Variants in QTMAN observed in about 807,000 individuals in gnomAD.
QTMAN encodes the protein tRNA-queuosine alpha-mannosyltransferase.
At chr2:144,159,586 G>C in the QTMAN span, among the ~76,000 whole-genome samples, 1 of 152,086 alleles carries the variant, frequency 6.6e-6, no homozygotes, top group Non-Finnish European at 1.5e-5. Context: ...GAATAGCTGA[G>C]ATGAAGTAAA....
At chr2:144,285,493 T>C in the QTMAN span, among the ~76,000 whole-genome samples, 4 of 151,828 alleles carry the variant, frequency 2.6e-5, no homozygotes, top group Non-Finnish European at 5.9e-5. Context: ...CTCAGAGAGG[T>C]TAAGTAACTG....
At chr2:144,094,248 A>C in the QTMAN span, among the ~76,000 whole-genome samples, 8 of 152,244 alleles carry the variant, frequency 5.3e-5, no homozygotes, top group African/African-American at 1.9e-4. Flanking sequence ...ATCAATAATC[A>C]AACAATTAAA....
At chr2:143,995,916 C>G in the QTMAN span, among the ~76,000 whole-genome samples, 2 of 152,024 alleles carry the variant, frequency 1.3e-5, no homozygotes, top group Non-Finnish European at 2.9e-5. Flanking sequence ...AATCGAACTC[C>G]CCAAGTGTTC....
the QTMAN span, among the ~76,000 whole-genome samples, chr2:144,106,158 A>T: frequency 3.3e-5 from 5 of 152,208 alleles, no homozygotes; most frequent in African/African-American, 1.2e-4. Context: ...AACATGCCAA[A>T]TTGTAAAGAC....
chr2:144,150,590 T>A, the QTMAN span, among the ~76,000 whole-genome samples: 1 of 152,048 alleles, frequency 6.6e-6, no homozygotes, highest in African/African-American at 2.4e-5. Context: ...TTCCCTAACC[T>A]GACACCCATG....
At chr2:143,996,886 G>C in the QTMAN span, among the ~76,000 whole-genome samples, 3 of 152,032 alleles carry the variant, frequency 2.0e-5, no homozygotes, top group African/African-American at 7.2e-5. Flanking sequence ...CTAAGTCTCT[G>C]GGGTCAATCA....
chr2:143,977,691 A>G, the QTMAN span, among the ~76,000 whole-genome samples: 1 of 152,194 alleles, frequency 6.6e-6, no homozygotes, highest in East Asian at 1.9e-4. Flanking sequence ...AAAATGGAAG[A>G]CGGAGAATTT....
the QTMAN span, among the ~76,000 whole-genome samples, chr2:144,043,105 T>C: frequency 1.3e-5 from 2 of 152,082 alleles, no homozygotes; most frequent in Non-Finnish European, 2.9e-5. Context: ...CACCTTTTTT[T>C]CCCCGCAATG....
chr2:143,960,927 G>T, the QTMAN span, among the ~76,000 whole-genome samples: 1 of 152,076 alleles, frequency 6.6e-6, no homozygotes, highest in South Asian at 2.1e-4. Context: ...TTGCGGGTGG[G>T]AATTTTAAGT....
the QTMAN span, among the ~76,000 whole-genome samples, chr2:144,285,927 A>G: frequency 6.6e-6 from 1 of 152,198 alleles, no homozygotes; most frequent in African/African-American, 2.4e-5. Flanking sequence ...AGGTGGAGAC[A>G]ATTTTCCCTC....
chr2:144,327,492 T>C, the QTMAN span, among the ~76,000 whole-genome samples: 2 of 152,202 alleles, frequency 1.3e-5, no homozygotes, highest in East Asian at 3.8e-4. Flanking sequence ...GAGACATCCT[T>C]AAGTGTCTCC....
chr2:144,140,145 T>C, the QTMAN span, among the ~76,000 whole-genome samples: 1 of 152,084 alleles, frequency 6.6e-6, no homozygotes, highest in Non-Finnish European at 1.5e-5. Context: ...ATAATTCAAA[T>C]AACATTCTAG....
At chr2:144,241,936 C>T in the QTMAN span, among the ~76,000 whole-genome samples, 2 of 151,946 alleles carry the variant, frequency 1.3e-5, no homozygotes, top group South Asian at 2.1e-4. Context: ...AACATAGGGA[C>T]ACATATGATT....
the QTMAN span, among the ~76,000 whole-genome samples, chr2:144,098,664 G>A: frequency 9.3e-5 from 14 of 150,930 alleles, no homozygotes; most frequent in African/African-American, 2.4e-4. Flanking sequence ...GCAGTGAGCC[G>A]AGATCGCACC....
At chr2:143,985,726 G>A in the QTMAN span, among the ~76,000 whole-genome samples, 8 of 147,430 alleles carry the variant, frequency 5.4e-5, no homozygotes, top group East Asian at 1.6e-3. Context: ...TTTCTTTAGC[G>A]AAATGCTCAC....
At chr2:144,204,615 C>G in the QTMAN span, among the ~76,000 whole-genome samples, 2 of 152,142 alleles carry the variant, frequency 1.3e-5, no homozygotes, top group African/African-American at 4.8e-5. Flanking sequence ...ACTAGAAATA[C>G]CATTTGACCC....
chr2:143,986,807 T>A, the QTMAN span, among the ~76,000 whole-genome samples: 1 of 152,188 alleles, frequency 6.6e-6, no homozygotes, highest in Non-Finnish European at 1.5e-5. Flanking sequence ...TATGTGTGTA[T>A]CTCCTATTCT....
At chr2:144,272,156 G>A in the QTMAN span, among the ~76,000 whole-genome samples, 1 of 151,990 alleles carries the variant, frequency 6.6e-6, no homozygotes, top group Non-Finnish European at 1.5e-5. Flanking sequence ...TTAATATTTA[G>A]TGAAACTAAT....
At chr2:144,059,501 G>A in the QTMAN span, among the ~76,000 whole-genome samples, 1 of 152,138 alleles carries the variant, frequency 6.6e-6, no homozygotes, top group Admixed American at 6.5e-5. Flanking sequence ...AGTGAGCTGT[G>A]GGTTTTCAGA....
Sources: gnomAD v4.1 joint callset for allele counts (sites outside exome capture counted in the v4.1 genomes callset) on GRCh38, gnomAD v4.1.1 for gene constraint, MANE v1.5 for transcripts, NCBI Gene and HGNC (gene_info 2026-07-23, HGNC 2026-07-21) for gene names.